CLCN3: variants seen among roughly 807,000 people sequenced by gnomAD.
CLCN3 encodes Cl-/H+ antiporter 3.
A neutral mutation model predicts 83.4 loss-of-function variants in CLCN3; 16 were observed. That is an observed-to-expected ratio of 0.19 (90% CI 0.13 to 0.29). CLCN3 has a LOEUF of 0.29. Ranked by LOEUF, CLCN3 falls within the 10% of genes least tolerant of loss-of-function variation. The pLI is 1.00. For missense variants in CLCN3, 544 were observed against 1,006.0 expected, an observed-to-expected ratio of 0.54 and a Z score of 6.21; for synonymous variants, 322 against 346.2, an observed-to-expected ratio of 0.93 and a Z score of 0.78.
intron 2 of CLCN3, chr4:169,659,946 C>CT (rs750252174): frequency 3.0e-6 from 2 of 659,558 alleles, no homozygotes; most frequent in Non-Finnish European, 3.8e-6. Context: ...CTCTGTATTA[C>CT]TTTTTCCCCT....
chr4:169,711,053 A>G (rs934517672), intron 11 of CLCN3, among the ~76,000 whole-genome samples: 4 of 152,202 alleles, frequency 2.6e-5, no homozygotes, highest in African/African-American at 9.7e-5. Flanking sequence ...GAAATGATTT[A>G]CAAACCCTAT....
chr4:169,709,808 C>A (rs1443664700), intron 11 of CLCN3, among the ~76,000 whole-genome samples: 2 of 151,934 alleles, frequency 1.3e-5, no homozygotes, highest in East Asian at 3.9e-4. Flanking sequence ...TGTAATGTTC[C>A]TTATTTAAAA....
intron 3 of CLCN3, among the ~76,000 whole-genome samples, chr4:169,686,325 TAA>T (rs1340522585): frequency 2.4e-5 from 3 of 122,726 alleles, no homozygotes; most frequent in African/African-American, 3.0e-5. Context: ...AGTATAATAA[TAA>T]AAAAAAAAAA....
At chr4:169,636,144 T>C in intron 2 of CLCN3, 56 bp downstream of exon 2, 2 of 1,430,566 alleles carry the variant, frequency 1.4e-6, no homozygotes, top group South Asian at 2.6e-5. Flanking sequence ...CTAATAAATA[T>C]GTACACTATT....
At chr4:169,629,790 A>G (rs762508313) in intron 1 of CLCN3, among the ~76,000 whole-genome samples, 5 of 152,224 alleles carry the variant, frequency 3.3e-5, no homozygotes, top group Admixed American at 1.3e-4. Flanking sequence ...AATAAATTTA[A>G]TATTCAACTG....
intron 8 of CLCN3, 148 bp from the exon 9 acceptor site, chr4:169,697,041 T>C (rs1318187193): frequency 1.8e-6 from 1 of 562,062 alleles, no homozygotes; most frequent in Non-Finnish European, 3.0e-6. Context: ...ATAACATCAA[T>C]TTTTCTTATT....
chr4:169,632,915 G>C (rs2150200542), intron 1 of CLCN3, among the ~76,000 whole-genome samples: 1 of 152,148 alleles, frequency 6.6e-6, no homozygotes, highest in Non-Finnish European at 1.5e-5. Flanking sequence ...AGTGTCATCA[G>C]ATTCGAAGGA....
rs571972142 is a variant in CLCN3 at position 169,686,508 on chromosome 4, C to A, written c.319-1150C>A. On this transcript the variant is annotated intron_variant, in intron 3 of 12. Coordinates refer to ENST00000513761, the MANE Select transcript of CLCN3 (RefSeq NM_001829.4). ...CTCTGCTCACTGCCACCTCCGCCTC[C>A]CGGTTTCAAGTGATTCTCCTGCCTC... Among the ~76,000 whole-genome samples the A allele has an allele frequency of 5.3e-5, 8 of 152,010 alleles. No homozygotes were observed. The South Asian group carries it at 8.3e-4, about 16-fold the overall frequency.
At chr4:169,685,980 A>G (rs1472381970) in intron 3 of CLCN3, among the ~76,000 whole-genome samples, 2 of 152,188 alleles carry the variant, frequency 1.3e-5, no homozygotes, top group South Asian at 2.1e-4. Flanking sequence ...GTGACTTCAA[A>G]TAGACCCGAT....
intron 2 of CLCN3, among the ~76,000 whole-genome samples, chr4:169,648,766 C>T (rs1039919128): frequency 3.9e-5 from 6 of 152,168 alleles, no homozygotes; most frequent in Admixed American, 6.5e-5. Context: ...GTGGCTTATG[C>T]CTATAATCCC....
chr4:169,699,632 C>T (rs1732697910), intron 9 of CLCN3, among the ~76,000 whole-genome samples: 2 of 152,074 alleles, frequency 1.3e-5, no homozygotes, highest in African/African-American at 2.4e-5. Flanking sequence ...ACCTGTAATC[C>T]CAGCTCTTTG....
chr4:169,678,861 A>G (rs1241033579), intron 2 of CLCN3, among the ~76,000 whole-genome samples: 1 of 151,946 alleles, frequency 6.6e-6, no homozygotes, highest in Admixed American at 6.5e-5. Flanking sequence ...TTTTCCCCAT[A>G]TTTCCCCTTT....
intron 1 of CLCN3, among the ~76,000 whole-genome samples, chr4:169,623,083 C>T (rs908938766): frequency 2.0e-5 from 3 of 151,980 alleles, no homozygotes; most frequent in African/African-American, 7.2e-5. Flanking sequence ...TGTTGAAATC[C>T]AGAGAGATTT....
At chr4:169,688,406 A>G (rs1375239738) in intron 4 of CLCN3, among the ~76,000 whole-genome samples, 1 of 152,212 alleles carries the variant, frequency 6.6e-6, no homozygotes, top group African/African-American at 2.4e-5. Flanking sequence ...TTCAGCTTCC[A>G]TGATGGAAGA....
chr4:169,678,436 T>G lies in CLCN3; in HGVS notation c.161-1614T>G, dbSNP rs575596384. The stretch of plus-strand genomic sequence containing the variant: ...TCTTTTTTTTAAATTTTTTTACTAT[T>G]TATTGATCACTCTTGGGTGTTTCTC... On this transcript the variant is annotated intron_variant, in intron 2 of 12. Coordinates refer to ENST00000513761, the MANE Select transcript of CLCN3 (RefSeq NM_001829.4). Among the ~76,000 whole-genome samples the G allele has an allele frequency of 1.7e-3, 253 of 152,302 alleles. 1 individual carries two copies. The highest frequency in any genetic ancestry group is 5.6e-3 in the African/African-American group (231 of 41,570).
intron 2 of CLCN3, among the ~76,000 whole-genome samples, chr4:169,662,017 C>G (rs900443277): frequency 2.6e-5 from 4 of 152,070 alleles, no homozygotes; most frequent in African/African-American, 9.7e-5. Flanking sequence ...ATCAGAATAC[C>G]TGGGCTTCAG....
chr4:169,720,183 G>GGAGGGAAAGGAGAGA lies in CLCN3; in HGVS notation c.*189_*203dup, dbSNP rs1275913424. 3 of 781,838 alleles carry GGAGGGAAAGGAGAGA rather than the reference G, an allele frequency of 3.8e-6. No homozygotes were observed. The African/African-American group carries it at 5.3e-5, about 14-fold the overall frequency. The allele number at this position is 781,838 out of a possible 1,614,324, so 48.4% of individuals were successfully genotyped here. On this transcript the variant is annotated 3_prime_UTR_variant, in exon 13 of 13. Coordinates refer to ENST00000513761, the MANE Select transcript of CLCN3 (RefSeq NM_001829.4). ...CTGGTGGAATGGAGGAGTTGTTTGGGGAGGGAAAGGAGAGAGAAGGAAAGG... is the reference window on the plus strand; with the variant it reads ...CTGGTGGAATGGAGGAGTTGTTTGGGGAGGGAAAGGAGAGAGAGGGAAAGGAGAGAGAAGGAAAGG...
At chr4:169,698,370 G>A (rs1312745211) in intron 9 of CLCN3, among the ~76,000 whole-genome samples, 1 of 151,974 alleles carries the variant, frequency 6.6e-6, no homozygotes, top group African/African-American at 2.4e-5. Context: ...GATCAATCAC[G>A]CATACTGTGT....
chr4:169,678,192 C>A (rs1342667848), intron 2 of CLCN3, among the ~76,000 whole-genome samples: 1 of 152,176 alleles, frequency 6.6e-6, no homozygotes, highest in African/African-American at 2.4e-5. Flanking sequence ...TTATCTTTTA[C>A]AAATCATTTT....
Sources: gnomAD v4.1 joint callset for allele counts (sites outside exome capture counted in the v4.1 genomes callset) on GRCh38, gnomAD v4.1.1 for gene constraint, MANE v1.5 for transcripts, NCBI Gene and HGNC (gene_info 2026-07-23, HGNC 2026-07-21) for gene names.